SPATA13: variants seen among roughly 807,000 people sequenced by gnomAD.
SPATA13 encodes spermatogenesis-associated protein 13.
In SPATA13, 50 loss-of-function variants were observed where a neutral mutation model predicts 104.0. The ratio of observed to expected loss-of-function variants is 0.48; its 90% confidence interval spans 0.38 to 0.61. The LOEUF (loss-of-function observed/expected upper bound fraction) is 0.61. Ranked by LOEUF, SPATA13 falls within the 20% of genes least tolerant of loss-of-function variation. The pLI is 0.00. For missense variants in SPATA13, 1,524 were observed against 1,690.6 expected (o/e 0.90, Z 1.73); for synonymous variants, 606 against 667.5 (o/e 0.91, Z 1.42).
intron 4 of SPATA13, among the ~76,000 whole-genome samples, chr13:24,277,324 G>T (rs954185715): frequency 1.3e-5 from 2 of 151,708 alleles, no homozygotes; most frequent in Non-Finnish European, 2.9e-5. Context: ...GGCGCCTGTA[G>T]TCCCAGCTAC....
intron 3 of SPATA13, among the ~76,000 whole-genome samples, chr13:24,136,974 C>T (rs1225773103): frequency 2.0e-5 from 2 of 101,440 alleles, no homozygotes; most frequent in East Asian, 5.6e-4. Flanking sequence ...GGACTACAGG[C>T]GCCCGCCACT....
intron 3 of SPATA13, among the ~76,000 whole-genome samples, chr13:24,078,044 C>T (rs1879391126): frequency 6.6e-6 from 1 of 152,164 alleles, no homozygotes; most frequent in Non-Finnish European, 1.5e-5. Flanking sequence ...TCCCAGCGTC[C>T]ATGAGTTTTC....
chr13:24,153,095 G>C (rs898958577), intron 3 of SPATA13, among the ~76,000 whole-genome samples: 2 of 152,212 alleles, frequency 1.3e-5, no homozygotes, highest in Non-Finnish European at 2.9e-5. Context: ...TTGGGACTTG[G>C]GCATCCTCTG....
chr13:24,139,935 G>A (rs1029197608), intron 3 of SPATA13, among the ~76,000 whole-genome samples: 4 of 152,090 alleles, frequency 2.6e-5, no homozygotes, highest in African/African-American at 9.7e-5. Context: ...GGACGTGGTG[G>A]CGGGCACCTG....
chr13:24,147,521 G>C (rs1170869279), intron 3 of SPATA13, among the ~76,000 whole-genome samples: 3 of 152,166 alleles, frequency 2.0e-5, no homozygotes, highest in Non-Finnish European at 4.4e-5. Flanking sequence ...CAATCTGGGA[G>C]CATTTTGCCC....
At chr13:24,243,779 G>C (rs1263319747) in intron 2 of SPATA13, among the ~76,000 whole-genome samples, 3 of 152,176 alleles carry the variant, frequency 2.0e-5, no homozygotes, top group African/African-American at 7.2e-5. Context: ...CCCTGTATGT[G>C]AATTCTTTTG....
intron 1 of SPATA13, among the ~76,000 whole-genome samples, chr13:24,169,422 C>T (rs1420528575): frequency 2.0e-5 from 3 of 152,072 alleles, no homozygotes; most frequent in African/African-American, 2.4e-5. Context: ...CATGACAAGT[C>T]GTAAGGCGTG....
chr13:24,222,945 G>C lies in SPATA13; in HGVS notation c.16G>C (p.Val6Leu), dbSNP rs896391576. 1 of 1,551,010 alleles carries C rather than the reference G, an allele frequency of 6.4e-7. No individual in the cohort carries two copies. The highest frequency in any genetic ancestry group is 1.4e-5 in the African/African-American group (1 of 73,060). Residue 6 changes from valine (V) to leucine (L), a missense_variant, in exon 2 of 13, where the codon GTG (valine) becomes CTG (leucine). Val to Leu is a conservative substitution (Grantham distance 32). Around this residue, in one of 2 missense-constraint regions of SPATA13, gnomAD observed 1,089 missense variants for 1,135.9 expected, o/e 0.96. Transcript: ENST00000382108. ...GCCCGTGGCCATGACCCAGGCTGCC[G>C]TGCGGCCCTGGGCACCCTGCCTGGA... MTQAA[V>L]RPWAPCLENM... is the part of the protein sequence containing the mutation.
At chr13:24,282,569 T>G (rs1875622529) in intron 4 of SPATA13, among the ~76,000 whole-genome samples, 1 of 147,484 alleles carries the variant, frequency 6.8e-6, no homozygotes. Flanking sequence ...CAGTTCCTGA[T>G]GCCATTTCCT....
At chr13:24,094,791 A>G (rs1449947797) in intron 3 of SPATA13, among the ~76,000 whole-genome samples, 3 of 152,174 alleles carry the variant, frequency 2.0e-5, no homozygotes, top group Non-Finnish European at 4.4e-5. Context: ...TATGTAAAAT[A>G]TTTCAGAATA....
chr13:24,266,941 G>A (rs1054071525), intron 4 of SPATA13, among the ~76,000 whole-genome samples: 12 of 152,036 alleles, frequency 7.9e-5, no homozygotes, highest in African/African-American at 2.7e-4. Flanking sequence ...ATAGGTGTGA[G>A]CCACCAATGC....
chr13:24,299,242 CA>C (rs1261205292), intron 11 of SPATA13, among the ~76,000 whole-genome samples: 3 of 152,192 alleles, frequency 2.0e-5, no homozygotes. Flanking sequence ...GTGCTTTCAA[CA>C]GTGTCTCTCA....
intron 1 of SPATA13, among the ~76,000 whole-genome samples, chr13:24,219,003 CAAAAAAAA>C (rs35494448): frequency 9.0e-6 from 1 of 110,526 alleles, no homozygotes; most frequent in African/African-American, 3.3e-5. Context: ...TCATTATCAC[CAAAAAAAA>C]AAAAAAAAAA....
chr13:24,063,490 G>A (rs994345166), intron 3 of SPATA13, among the ~76,000 whole-genome samples: 34 of 151,840 alleles, frequency 2.2e-4, no homozygotes. Context: ...CACATCCCTC[G>A]GTGGCCTTTC....
intron 1 of SPATA13, among the ~76,000 whole-genome samples, chr13:24,187,550 C>T (rs9511115): frequency 0.74 from 112,114 of 152,116 alleles, 45,795 homozygotes; most frequent in Non-Finnish European, 0.91. Context: ...AGTCTATTGG[C>T]GCCATTCATT....
intron 1 of SPATA13, among the ~76,000 whole-genome samples, chr13:24,177,691 A>G (rs1868516492): frequency 6.6e-6 from 1 of 151,754 alleles, no homozygotes; most frequent in Non-Finnish European, 1.5e-5. Context: ...AACTTAAGTG[A>G]TCCTTCCACC....
intron 3 of SPATA13, among the ~76,000 whole-genome samples, chr13:24,068,442 C>T (rs1409900371): frequency 6.6e-6 from 1 of 152,140 alleles, no homozygotes; most frequent in African/African-American, 2.4e-5. Flanking sequence ...TGAACATACA[C>T]GTGCTTGTGT....
At chr13:24,221,128 C>T (rs964312637) in intron 1 of SPATA13, among the ~76,000 whole-genome samples, 3 of 152,162 alleles carry the variant, frequency 2.0e-5, no homozygotes, top group Non-Finnish European at 4.4e-5. Context: ...CATTGTGCTT[C>T]TCTGTTCATT....
intron 5 of SPATA13, among the ~76,000 whole-genome samples, 159 bp downstream of exon 5, chr13:24,284,430 G>A (rs533626958): frequency 3.9e-5 from 6 of 152,270 alleles, no homozygotes; most frequent in African/African-American, 1.2e-4. Flanking sequence ...GAAGGCCAAG[G>A]CAGGTGGATC....
Sources: allele counts gnomAD v4.1 joint callset (sites outside exome capture counted in the v4.1 genomes callset), GRCh38; gene constraint gnomAD v4.1.1; regional missense constraint gnomAD v4.1.1; transcripts MANE v1.5; gene names NCBI Gene and HGNC (gene_info 2026-07-23, HGNC 2026-07-21).